Variants in MROH9 observed in about 807,000 individuals in gnomAD.
MROH9 encodes the protein maestro heat-like repeat-containing protein family member 9.
MROH9 carries 92 observed loss-of-function variants against 98.2 expected under a neutral mutation model. The ratio of observed to expected loss-of-function variants is 0.94; its 90% CI spans 0.79 to 1.11. MROH9 has a LOEUF of 1.11. MROH9 is among the 50% of genes most tolerant of loss of function. The probability of loss-of-function intolerance (pLI) is 0.00; values close to 1 mark genes in which losing one functional copy is unlikely to be tolerated. For missense variants in MROH9, 1,057 were observed against 1,014.8 expected (o/e 1.04, Z -0.57); for synonymous variants, 397 against 368.9 (o/e 1.08, Z -0.87).
intron 8 of MROH9, among the ~76,000 whole-genome samples, chr1:170,976,379 G>T (rs1411829310): frequency 6.6e-6 from 1 of 152,024 alleles, no homozygotes; most frequent in Admixed American, 6.6e-5. Context: ...GTCTAAAAAG[G>T]GTCTTATTTC....
In MROH9 at chr1:171,000,444, A is replaced by G. The variant is rs1021912797; in HGVS notation, c.1596+2170A>G. Reference sequence around the variant, plus strand: ...GCCGATTTTGCTGAGGGTTTTAATCATAAAGGGATGCTGGACTTTGTCGAA... The same window carrying G: ...GCCGATTTTGCTGAGGGTTTTAATCGTAAAGGGATGCTGGACTTTGTCGAA... On this transcript the variant is annotated intron_variant, in intron 15 of 21. Coordinates refer to ENST00000367759, the MANE Select transcript of MROH9 (RefSeq NM_001163629.2). Among the ~76,000 whole-genome samples the G allele has an allele frequency of 7.9e-5, 12 of 152,222 alleles. No homozygotes were observed. The East Asian group carries it at 1.4e-3, about 17-fold the overall frequency.
intron 17 of MROH9, among the ~76,000 whole-genome samples, chr1:171,022,945 A>G (rs1652566522): frequency 6.6e-6 from 1 of 152,222 alleles, no homozygotes; most frequent in Non-Finnish European, 1.5e-5. Flanking sequence ...TGTATGTGAT[A>G]AAGTAGTCAG....
At chr1:170,937,833 A>G (rs1240464977) in intron 1 of MROH9, among the ~76,000 whole-genome samples, 1 of 152,056 alleles carries the variant, frequency 6.6e-6, no homozygotes, top group Admixed American at 6.5e-5. Context: ...CATAATCAGT[A>G]TTTTTAACTC....
At chr1:171,004,246 C>T (rs576397729) in intron 15 of MROH9, among the ~76,000 whole-genome samples, 1 of 152,248 alleles carries the variant, frequency 6.6e-6, no homozygotes, top group South Asian at 2.1e-4. Flanking sequence ...TCATGCCCTC[C>T]CCCGAGTTCT....
intron 20 of MROH9, among the ~76,000 whole-genome samples, chr1:171,029,225 T>G (rs938324508): frequency 2.9e-4 from 43 of 148,594 alleles, no homozygotes; most frequent in African/African-American, 8.2e-4. Context: ...GAGGGTTTTG[T>G]TTTTTTTTTC....
At chr1:171,058,985 T>C (rs1300580081) in intron 20 of MROH9, among the ~76,000 whole-genome samples, 2 of 152,008 alleles carry the variant, frequency 1.3e-5, no homozygotes, top group Non-Finnish European at 2.9e-5. Flanking sequence ...AAAGCCAAAA[T>C]TGACAAATGG....
intron 7 of MROH9, among the ~76,000 whole-genome samples, chr1:170,965,835 G>A (rs948792546): frequency 1.3e-5 from 2 of 151,924 alleles, no homozygotes; most frequent in African/African-American, 2.4e-5. Context: ...CTTTACTAAA[G>A]TTATATTCAC....
At chr1:170,970,975 C>T (rs1650435520) in intron 7 of MROH9, among the ~76,000 whole-genome samples, 1 of 152,116 alleles carries the variant, frequency 6.6e-6, no homozygotes, top group Non-Finnish European at 1.5e-5. Flanking sequence ...TGCTAGTTTG[C>T]CAAATCTACA....
At chr1:171,020,721 T>C (rs986679799) in intron 17 of MROH9, among the ~76,000 whole-genome samples, 1 of 152,126 alleles carries the variant, frequency 6.6e-6, no homozygotes, top group Non-Finnish European at 1.5e-5. Context: ...GGATGCCCTC[T>C]CTCACCACTC....
chr1:170,956,854 T>G (rs1427589088), intron 3 of MROH9, among the ~76,000 whole-genome samples: 2 of 152,130 alleles, frequency 1.3e-5, no homozygotes, highest in Non-Finnish European at 2.9e-5. Context: ...TTCTTTCTCC[T>G]GCCTGATTTC....
chr1:171,039,757 G>A (rs929681602), intron 20 of MROH9, among the ~76,000 whole-genome samples: 1 of 152,016 alleles, frequency 6.6e-6, no homozygotes, highest in African/African-American at 2.4e-5. Context: ...ATCTTAAAAG[G>A]AAATACATTG....
intron 8 of MROH9, among the ~76,000 whole-genome samples, chr1:170,974,585 A>G (rs1009890303): frequency 3.3e-5 from 5 of 152,128 alleles, no homozygotes; most frequent in African/African-American, 4.8e-5. Context: ...CAAAATAAAA[A>G]GTAAAATAAA....
intron 10 of MROH9, 66 bp downstream of exon 10, chr1:170,986,776 T>C (rs1461236144): frequency 3.4e-6 from 5 of 1,483,534 alleles, no homozygotes; most frequent in Non-Finnish European, 4.6e-6. Flanking sequence ...TTTGCCTGTG[T>C]TGTATGTCCA....
At chr1:170,972,727 G>T (rs112209059) in intron 8 of MROH9, among the ~76,000 whole-genome samples, 13,098 of 151,022 alleles carry the variant, frequency 0.087, 620 homozygotes, top group Middle Eastern at 0.14. Flanking sequence ...TAGGAGAATG[G>T]CGTGAACCCA....
intron 3 of MROH9, among the ~76,000 whole-genome samples, chr1:170,948,976 A>G (rs913014256): frequency 9.9e-5 from 15 of 152,124 alleles, no homozygotes; most frequent in Admixed American, 2.0e-4. Context: ...GGGGATTAGT[A>G]GTAGAGGCAA....
intron 20 of MROH9, among the ~76,000 whole-genome samples, chr1:171,038,462 A>T (rs1653181477): frequency 6.6e-6 from 1 of 152,200 alleles, no homozygotes; most frequent in South Asian, 2.1e-4. Flanking sequence ...TCAAAATGTG[A>T]AATGCATATT....
In MROH9 at chr1:170,959,565, G is replaced by T; in HGVS notation, c.256G>T (p.Gly86Trp). The T allele has an allele frequency of 6.2e-7, 1 of 1,613,604 alleles. No homozygotes were observed. Among genetic ancestry groups the T allele is most frequent in the Non-Finnish European group, 8.5e-7 (1 of 1,179,798 alleles). The change falls in exon 5 of 22, where the codon GGG (glycine) becomes TGG (tryptophan). Residue 86 changes from glycine to tryptophan, a missense_variant. Physicochemically the swap from Gly to Trp is radical, Grantham distance 184. Transcript: ENST00000367759. ...AAGTCTTGACAAAGTAAAAGAAATG[G>T]GGAGCAGTTATGAGTACATTGAGGA... ...MPSLDKVKEM[G>W]SSYEYIEDME...
At chr1:171,026,170 C>T (rs567495496) in intron 20 of MROH9, among the ~76,000 whole-genome samples, 19 of 152,100 alleles carry the variant, frequency 1.2e-4, no homozygotes, top group Non-Finnish European at 2.1e-4. Context: ...CTGTGTTAAT[C>T]AGAGAGGAGG....
At position 171,024,399 on chromosome 1, in the gene MROH9, A is replaced by T. The variant is rs1652634249; in HGVS notation, c.1913A>T (p.Asn638Ile). Reference sequence around the variant, plus strand: ...TAAGGCCTTTGTCTTTTACAGATTAATGGAGGCATTCGAAGTATGGCAATT... The same window carrying T: ...TAAGGCCTTTGTCTTTTACAGATTATTGGAGGCATTCGAAGTATGGCAATT... ...SSYCTLMDHINGGIRSMAIRH... is the reference protein window; with the variant it reads ...SSYCTLMDHIIGGIRSMAIRH... Residue 638 changes from asparagine to isoleucine, a missense_variant, in exon 18 of 22, where the codon AAT becomes ATT. Transcript: ENST00000367759. 2 of 1,551,004 alleles carry T rather than the reference A, an allele frequency of 1.3e-6. No homozygotes were observed. The highest frequency in any genetic ancestry group is 2.7e-5 in the African/African-American group (2 of 72,928).
Sources: gnomAD v4.1 joint callset for allele counts (sites outside exome capture counted in the v4.1 genomes callset) on GRCh38, gnomAD v4.1.1 for gene constraint, MANE v1.5 for transcripts, NCBI Gene and HGNC (gene_info 2026-07-23, HGNC 2026-07-21) for gene names.